FHIT: variants seen among roughly 807,000 people sequenced by gnomAD.
FHIT encodes bis(5'-adenosyl)-triphosphatase.
Under a neutral mutation model 17.9 loss-of-function variants are expected in FHIT, and 19 were observed. The ratio of observed to expected loss-of-function variants is 1.06; its 90% CI spans 0.74 to 1.56. FHIT has a LOEUF of 1.56. Ranked by LOEUF, FHIT falls within the 40% of genes most tolerant of loss-of-function variation. The pLI is 0.00. For missense variants in FHIT, 248 were observed against 189.2 expected, an observed-to-expected ratio of 1.31 and a Z score of -1.82; for synonymous variants, 81 against 69.7, an observed-to-expected ratio of 1.16 and a Z score of -0.81.
intron 4 of FHIT, among the ~76,000 whole-genome samples, chr3:60,796,619 G>A (rs1473002190): frequency 2.0e-5 from 3 of 152,166 alleles, no homozygotes; most frequent in African/African-American, 4.8e-5. Context: ...GTCTTGGTCT[G>A]TCCCCCAGGC....
At chr3:60,291,908 C>T (rs373799361) in intron 5 of FHIT, among the ~76,000 whole-genome samples, 2 of 152,144 alleles carry the variant, frequency 1.3e-5, no homozygotes, top group Non-Finnish European at 2.9e-5. Context: ...GTATGCTCCC[C>T]TGAAGACTTC....
intron 2 of FHIT, among the ~76,000 whole-genome samples, chr3:61,169,238 C>T (rs1490579519): frequency 6.6e-6 from 1 of 152,168 alleles, no homozygotes. Context: ...TTCTGTCTTA[C>T]AGGCTGTGAT....
At chr3:60,394,914 G>T (rs184924683) in intron 5 of FHIT, among the ~76,000 whole-genome samples, 1 of 152,238 alleles carries the variant, frequency 6.6e-6, no homozygotes, top group Non-Finnish European at 1.5e-5. Context: ...AAGTTGTGAA[G>T]GAAGACTATA....
intron 2 of FHIT, among the ~76,000 whole-genome samples, chr3:61,079,460 C>G (rs1006177506): frequency 1.3e-5 from 2 of 152,096 alleles, no homozygotes; most frequent in East Asian, 1.9e-4. Flanking sequence ...CAGCAAAGAA[C>G]TTTGTTTGAT....
At chr3:59,926,632 T>C (rs1159723715) in intron 7 of FHIT, among the ~76,000 whole-genome samples, 1 of 152,144 alleles carries the variant, frequency 6.6e-6, no homozygotes, top group Non-Finnish European at 1.5e-5. Context: ...AGAACAAATT[T>C]CAAAGAGTGT....
At chr3:60,460,381 A>C (rs1343757332) in intron 5 of FHIT, among the ~76,000 whole-genome samples, 1 of 152,136 alleles carries the variant, frequency 6.6e-6, no homozygotes, top group African/African-American at 2.4e-5. Flanking sequence ...CAAGGGAAAT[A>C]ACACCTTTTT....
intron 4 of FHIT, among the ~76,000 whole-genome samples, chr3:60,554,248 A>C (rs2036667334): frequency 6.6e-6 from 1 of 152,022 alleles, no homozygotes; most frequent in Admixed American, 6.5e-5. Context: ...GGTTAAAAAA[A>C]AAAAAAGAAC....
At chr3:59,806,634 T>TTA (rs1292106144) in intron 8 of FHIT, among the ~76,000 whole-genome samples, 3 of 148,530 alleles carry the variant, frequency 2.0e-5, no homozygotes, top group African/African-American at 2.5e-5. Flanking sequence ...GGTACAGGGT[T>TTA]TATATATATA....
intron 4 of FHIT, 116 bp from the exon 5 acceptor site, chr3:60,537,095 T>C (rs1385626661): frequency 2.5e-6 from 2 of 805,652 alleles, no homozygotes; most frequent in Non-Finnish European, 3.6e-6. Context: ...GAGGATGCCA[T>C]TGAAATTGTT....
chr3:60,084,899 A>T (rs1265711583), intron 5 of FHIT, among the ~76,000 whole-genome samples: 1 of 151,768 alleles, frequency 6.6e-6, no homozygotes, highest in Non-Finnish European at 1.5e-5. Flanking sequence ...AGATGTTATG[A>T]TCTTGCTGTT....
Position 60,569,755 on chromosome 3 carries a change from A to ATATATATATATATATATT in FHIT, c.-17-32777_-17-32776insAATATATATATATATATA. Among the ~76,000 whole-genome samples the ATATATATATATATATATT allele has an allele frequency of 5.6e-3, 430 of 77,298 alleles. 6 individuals carry two copies. Among genetic ancestry groups the ATATATATATATATATATT allele is most frequent in the East Asian group, 0.016 (30 of 1,890 alleles). The allele number at this position is 77,298 out of a possible 152,430, so 50.7% of individuals were successfully genotyped here. A position where few individuals can be genotyped will look rare whatever the true frequency, so the allele number is the denominator to read the frequency against. ...TATATATATATATATATATATATATATTTTTTTTTTTTTTAGACAGAGTTT... is the reference window on the plus strand; with the variant it reads ...TATATATATATATATATATATATATATATATATATATATATATTTTTTTTTTTTTTTTAGACAGAGTTT... On this transcript the variant is annotated intron_variant, in intron 4 of 9. Transcript: ENST00000492590.
At chr3:61,022,721 T>G (rs1274820381) in intron 3 of FHIT, among the ~76,000 whole-genome samples, 1 of 152,140 alleles carries the variant, frequency 6.6e-6, no homozygotes, top group Non-Finnish European at 1.5e-5. Context: ...ATCCCTCACA[T>G]AAACAGAACC....
chr3:59,846,424 T>C (rs1701722925), intron 8 of FHIT, among the ~76,000 whole-genome samples: 1 of 152,132 alleles, frequency 6.6e-6, no homozygotes, highest in Admixed American at 6.6e-5. Flanking sequence ...GTCATAAAAT[T>C]ACATCTATAT....
intron 5 of FHIT, among the ~76,000 whole-genome samples, chr3:60,280,481 T>C (rs1291728080): frequency 6.6e-6 from 1 of 152,160 alleles, no homozygotes; most frequent in African/African-American, 2.4e-5. Context: ...CTATCAATCA[T>C]AAATATCCTT....
chr3:59,785,761 A>G (rs935767316), intron 8 of FHIT, among the ~76,000 whole-genome samples: 1 of 152,190 alleles, frequency 6.6e-6, no homozygotes, highest in African/African-American at 2.4e-5. Context: ...AGTTACTTAA[A>G]TTTGCAGCAT....
chr3:59,880,167 G>C (rs1359710515), intron 8 of FHIT, among the ~76,000 whole-genome samples: 1 of 152,098 alleles, frequency 6.6e-6, no homozygotes, highest in Non-Finnish European at 1.5e-5. Context: ...AGCCACAGTT[G>C]GTCTCCTGCC....
At chr3:60,246,377 GGGGAAGGGTCTCTCT>G (rs1705396520) in intron 5 of FHIT, among the ~76,000 whole-genome samples, 1 of 152,022 alleles carries the variant, frequency 6.6e-6, no homozygotes, top group South Asian at 2.1e-4. Context: ...GGGGAAGGAA[GGGGAAGGGTCTCTCT>G]TTTACTTTAC....
At chr3:60,004,907 A>G (rs1188409194) in intron 7 of FHIT, among the ~76,000 whole-genome samples, 1 of 152,190 alleles carries the variant, frequency 6.6e-6, no homozygotes, top group Non-Finnish European at 1.5e-5. Context: ...AGGGATTTAC[A>G]TGCATTAATC....
intron 5 of FHIT, among the ~76,000 whole-genome samples, chr3:60,159,599 G>C (rs1385894886): frequency 6.6e-6 from 1 of 152,170 alleles, no homozygotes; most frequent in Admixed American, 6.6e-5. Context: ...TACAGTAATA[G>C]TAACACTCAA....
Sources: gnomAD v4.1 joint callset for allele counts (sites outside exome capture counted in the v4.1 genomes callset) on GRCh38, gnomAD v4.1.1 for gene constraint, MANE v1.5 for transcripts, NCBI Gene and HGNC (gene_info 2026-07-23, HGNC 2026-07-21) for gene names.